Variants in MLLT3 observed in about 807,000 individuals in gnomAD.
MLLT3 encodes protein AF-9.
In MLLT3, 4 loss-of-function variants were observed where a neutral mutation model predicts 53.2. The ratio of observed to expected loss-of-function variants is 0.08; its 90% CI spans 0.04 to 0.17. MLLT3 has a LOEUF of 0.17. MLLT3 is among the 10% of genes least tolerant of loss of function. The pLI, the probability that MLLT3 is intolerant of heterozygous loss-of-function variation, is 1.00. For synonymous variants in MLLT3, 283 were observed against 230.6 expected (o/e 1.23, Z -2.06); for missense variants, 569 against 684.0 (o/e 0.83, Z 1.87).
Position 20,346,142 on chromosome 9 carries a change from T to C in MLLT3, c.*301A>G, listed in dbSNP as rs1328428599. ...ACCATACACATTCTTTGAGTTTTCT[T>C]GTGTTGTGTTTGATTTGTTTGTTTT... is the stretch of plus-strand genomic sequence containing the variant. On this transcript the variant is annotated 3_prime_UTR_variant, in exon 11 of 11. Transcript: ENST00000380338. 1 of 328,334 alleles carries C rather than the reference T, an allele frequency of 3.0e-6. No homozygotes were observed. Among genetic ancestry groups the C allele is most frequent in the Admixed American group, 4.6e-5 (1 of 21,978 alleles). The allele number at this position is 328,334 out of a possible 1,614,324, so 20.3% of individuals were successfully genotyped here. A position where few individuals can be genotyped will look rare whatever the true frequency, so the allele number is the denominator to read the frequency against.
chr9:20,363,814 A>G, intron 6 of MLLT3, among the ~76,000 whole-genome samples: 1 of 152,214 alleles, frequency 6.6e-6, no homozygotes, highest in Non-Finnish European at 1.5e-5. Flanking sequence ...TTCCCAAAAT[A>G]TTTATTAAAG....
rs550029759 is a variant in MLLT3 at position 20,341,870 on chromosome 9, C to T, written c.*4573G>A. 1 of 204,042 alleles carries T rather than the reference C, an allele frequency of 4.9e-6. No individual in the cohort carries two copies. The highest frequency in any genetic ancestry group is 2.3e-5 in the African/African-American group (1 of 43,680). 12.6% of individuals were successfully genotyped at this position (204,042 alleles called of 1,614,324 possible). ...AGAAAAAATACCGGGCACACATAGC[C>T]CAGTTTATGCCAAAAAATGTATCCC... On this transcript the variant is annotated 3_prime_UTR_variant, in exon 11 of 11. Transcript: ENST00000380338.
At chr9:20,609,068 G>A (rs1820638127) in intron 2 of MLLT3, among the ~76,000 whole-genome samples, 1 of 151,926 alleles carries the variant, frequency 6.6e-6, no homozygotes, top group African/African-American at 2.4e-5. Flanking sequence ...TTAACTATAA[G>A]CTATTGTTTA....
At chr9:20,456,907 C>G in intron 2 of MLLT3, 121 bp from the exon 3 acceptor site, 3 of 665,974 alleles carry the variant, frequency 4.5e-6, no homozygotes, top group African/African-American at 1.9e-5. Context: ...AGCCCCTTGC[C>G]AAACTCCCAG....
intron 2 of MLLT3, among the ~76,000 whole-genome samples, chr9:20,516,983 CTTTA>C (rs1817933597): frequency 6.6e-6 from 1 of 152,114 alleles, no homozygotes; most frequent in African/African-American, 2.4e-5. Flanking sequence ...AAATGTTTTA[CTTTA>C]TTAATTAGCT....
intron 6 of MLLT3, among the ~76,000 whole-genome samples, chr9:20,364,236 T>C (rs1821395084): frequency 6.6e-6 from 1 of 152,156 alleles, no homozygotes; most frequent in South Asian, 2.1e-4. Flanking sequence ...AATACCAGCA[T>C]GTATAAACAT....
intron 2 of MLLT3, among the ~76,000 whole-genome samples, chr9:20,591,996 ATAAAT>A (rs1461625844): frequency 6.6e-6 from 1 of 152,146 alleles, no homozygotes; most frequent in Admixed American, 6.5e-5. Flanking sequence ...AATAATAAAA[ATAAAT>A]TAAGAATAGA....
At chr9:20,399,741 A>G (rs993406812) in intron 5 of MLLT3, among the ~76,000 whole-genome samples, 7 of 152,138 alleles carry the variant, frequency 4.6e-5, no homozygotes, top group Non-Finnish European at 8.8e-5. Context: ...GTCAGACTGG[A>G]GAAGGCTTAA....
rs188595789 is a variant in MLLT3 at position 20,349,176 on chromosome 9, C to A, written c.1576-2602G>T. On this transcript the variant is annotated intron_variant, in intron 10 of 10. Coordinates refer to ENST00000380338, the MANE Select transcript of MLLT3 (RefSeq NM_004529.4). ...TCTGGCATATCAAGTTCTGACTCTG[C>A]AAACTTTTTCAATGGTATTAGACAG... Among the ~76,000 whole-genome samples the A allele has an allele frequency of 1.2e-4, 18 of 152,270 alleles. No individual in the cohort carries two copies. In the East Asian group the frequency reaches 2.1e-3, roughly 18 times the overall value.
rs562038023 is a variant in MLLT3, at chr9:20,620,925, T to C, written c.13-91A>G. 1.1e-4 allele frequency: 160 copies of C among 1,421,992 alleles called. No individual in the cohort carries two copies. The highest frequency in any genetic ancestry group is 1.4e-4 in the Non-Finnish European group (145 of 1,018,194). The allele number at this position is 1,421,992 out of a possible 1,614,324, so 88.1% of individuals were successfully genotyped here. On this transcript the variant is annotated intron_variant, in intron 1 of 10. Coordinates refer to ENST00000380338, the MANE Select transcript of MLLT3 (RefSeq NM_004529.4). The surrounding 1 kb of genome is among the most constrained non-coding windows in gnomAD (Gnocchi z 6.1). Reference sequence around the variant, plus strand: ...GCGCCTGACATTTTTTTCCTCCTTCTTGAAACGCACATAAAAGGAAACGGC... The same window carrying C: ...GCGCCTGACATTTTTTTCCTCCTTCCTGAAACGCACATAAAAGGAAACGGC...
At chr9:20,479,094 G>A (rs367755703) in intron 2 of MLLT3, among the ~76,000 whole-genome samples, 1 of 152,170 alleles carries the variant, frequency 6.6e-6, no homozygotes, top group South Asian at 2.1e-4. Context: ...CCAACATGAT[G>A]AATCTCTTTA....
chr9:20,400,953 G>C (rs1365796928), intron 5 of MLLT3, among the ~76,000 whole-genome samples: 1 of 152,032 alleles, frequency 6.6e-6, no homozygotes, highest in Admixed American at 6.6e-5. Context: ...ACCTGAGAAA[G>C]GAAAGAGACA....
chr9:20,481,486 C>T (rs1229184461), intron 2 of MLLT3, among the ~76,000 whole-genome samples: 3 of 152,154 alleles, frequency 2.0e-5, no homozygotes, highest in African/African-American at 7.2e-5. Context: ...GGACGGCCAA[C>T]TGTACTTGAC....
At chr9:20,378,165 T>C (rs1208819597) in intron 5 of MLLT3, among the ~76,000 whole-genome samples, 1 of 152,142 alleles carries the variant, frequency 6.6e-6, no homozygotes, top group Non-Finnish European at 1.5e-5. Context: ...GTACATAATA[T>C]GAAAGTACAG....
intron 4 of MLLT3, among the ~76,000 whole-genome samples, chr9:20,441,959 C>A (rs1392137321): frequency 6.6e-6 from 1 of 152,160 alleles, no homozygotes; most frequent in Non-Finnish European, 1.5e-5. Flanking sequence ...CCTGAAAACA[C>A]AGACCTTGGT....
chr9:20,389,368 G>A (rs1348318590), intron 5 of MLLT3, among the ~76,000 whole-genome samples: 1 of 152,186 alleles, frequency 6.6e-6, no homozygotes, highest in Non-Finnish European at 1.5e-5. Context: ...CTAGGGCTAG[G>A]GGAGATAAGA....
Position 20,587,070 on chromosome 9 carries a change from G to A in MLLT3, c.193+33584C>T, listed in dbSNP as rs116553166. ...TGATAAAACCAAGTACAAAATAAAA[G>A]ACTTGATTCTGCAGCTTAAAATAAT... On this transcript the variant is annotated intron_variant, in intron 2 of 10. Coordinates refer to ENST00000380338, the MANE Select transcript of MLLT3 (RefSeq NM_004529.4). 6.4e-3 allele frequency among the ~76,000 whole-genome samples: 973 copies of A among 151,568 alleles called. 9 individuals carry two copies. The highest frequency in any genetic ancestry group is 0.022 in the African/African-American group (928 of 41,332).
chr9:20,610,870 G>C (rs1820684481), intron 2 of MLLT3, among the ~76,000 whole-genome samples: 2 of 152,114 alleles, frequency 1.3e-5, no homozygotes, highest in Non-Finnish European at 2.9e-5. Flanking sequence ...ACAAGCATCA[G>C]ACAATCTTGA....
intron 2 of MLLT3, among the ~76,000 whole-genome samples, chr9:20,568,569 T>C (rs1306456406): frequency 4.6e-5 from 7 of 152,172 alleles, no homozygotes; most frequent in African/African-American, 1.7e-4. Context: ...GATCCAAGCT[T>C]AAGAGAAAAC....
Sources: gnomAD v4.1 joint callset for allele counts (sites outside exome capture counted in the v4.1 genomes callset) on GRCh38, gnomAD v4.1.1 for gene constraint, Gnocchi (gnomAD v3.1) non-coding constraint, MANE v1.5 for transcripts, NCBI Gene and HGNC (gene_info 2026-07-23, HGNC 2026-07-21) for gene names.